The following IL15 variants were observed in gnomAD, a reference collection of about 807,000 sequenced individuals.
The protein encoded by IL15 is interleukin 15, also known as interleukin-15.
A neutral mutation model predicts 19.6 loss-of-function variants in IL15; 11 were observed. The ratio of observed to expected loss-of-function variants is 0.56; its 90% confidence interval spans 0.35 to 0.93. The LOEUF (loss-of-function observed/expected upper bound fraction) is 0.93, where lower values mean the gene tolerates loss of function less well. IL15 is among the 40% of genes least tolerant of loss of function. IL15 has a pLI of 0.01. For synonymous variants in IL15, 58 were observed against 59.6 expected (o/e 0.97, Z 0.12); for missense variants, 197 against 186.5 (o/e 1.06, Z -0.33).
chr4:141,691,044 T>A (rs1728893399), intron 2 of IL15, among the ~76,000 whole-genome samples: 1 of 147,312 alleles, frequency 6.8e-6, no homozygotes, highest in South Asian at 2.1e-4. Context: ...CATACTGATA[T>A]AAAGATACTA....
chr4:141,714,571 C>T (rs981753255), intron 2 of IL15: 15 of 152,242 alleles, frequency 9.9e-5, no homozygotes, highest in African/African-American at 3.6e-4. Flanking sequence ...CCTAAAAGTG[C>T]TATTGTCAGA....
At chr4:141,686,010 C>G (rs765780223) in intron 2 of IL15, among the ~76,000 whole-genome samples, 7 of 152,068 alleles carry the variant, frequency 4.6e-5, no homozygotes, top group South Asian at 2.1e-4. Context: ...AAAAGGGGCA[C>G]AGTAGGCTGG....
At chr4:141,710,799 T>C (rs936744413) in intron 2 of IL15, among the ~76,000 whole-genome samples, 7 of 152,194 alleles carry the variant, frequency 4.6e-5, no homozygotes, top group Non-Finnish European at 1.0e-4. Flanking sequence ...GGTTTTTTTT[T>C]CATAGTTAAA....
chr4:141,693,016 CAAAAA>C lies in IL15; in HGVS notation c.-99-26328_-99-26324del, dbSNP rs70949131. 4.9e-3 allele frequency among the ~76,000 whole-genome samples: 113 copies of C among 23,230 alleles called. 2 individuals carry two copies. Among genetic ancestry groups the C allele is most frequent in the East Asian group, 0.01 (7 of 688 alleles). 15.2% of individuals were successfully genotyped at this position (23,230 alleles called of 152,430 possible). The stretch of plus-strand genomic sequence containing the variant: ...AGGGGAACAGAGCAAGACTCCGTCT[CAAAAA>C]AAAAAAAAAAAAAAAAAAAAAGATA... On this transcript the variant is annotated intron_variant, in intron 2 of 7. Transcript: ENST00000320650.
At chr4:141,641,567 C>T (rs1727044129) in intron 1 of IL15, among the ~76,000 whole-genome samples, 1 of 151,866 alleles carries the variant, frequency 6.6e-6, no homozygotes. Flanking sequence ...TGGAAACCAT[C>T]ATTCTCAGCA....
intron 2 of IL15, among the ~76,000 whole-genome samples, chr4:141,685,492 G>A (rs1728679184): frequency 6.6e-6 from 1 of 152,036 alleles, no homozygotes; most frequent in Non-Finnish European, 1.5e-5. Flanking sequence ...GATGACTTTT[G>A]GAATATATGC....
At chr4:141,721,581 A>G in intron 4 of IL15, 1 of 524,060 alleles carries the variant, frequency 1.9e-6, no homozygotes. Flanking sequence ...ACTTAAAGGA[A>G]ACTAGTAATT....
intron 1 of IL15, among the ~76,000 whole-genome samples, chr4:141,641,366 A>T (rs1293477973): frequency 6.6e-6 from 1 of 152,156 alleles, no homozygotes; most frequent in East Asian, 1.9e-4. Flanking sequence ...TACCCAAAGG[A>T]TTATAAATCA....
chr4:141,711,350 G>C (rs1729711607), intron 2 of IL15, among the ~76,000 whole-genome samples: 1 of 152,076 alleles, frequency 6.6e-6, no homozygotes, highest in African/African-American at 2.4e-5. Flanking sequence ...GCAGAAAGAT[G>C]AAATGTGGGG....
At chr4:141,664,231 A>G (rs1234851371) in intron 2 of IL15, among the ~76,000 whole-genome samples, 1 of 152,040 alleles carries the variant, frequency 6.6e-6, no homozygotes, top group Non-Finnish European at 1.5e-5. Flanking sequence ...TTAATATTTC[A>G]AAAACCCCCA....
At chr4:141,683,593 GA>G (rs538489428) in intron 2 of IL15, among the ~76,000 whole-genome samples, 5 of 147,430 alleles carry the variant, frequency 3.4e-5, no homozygotes, top group Non-Finnish European at 6.0e-5. Flanking sequence ...AAAGAAAAAA[GA>G]AAAAAAAACA....
chr4:141,721,769 T>C (rs935422648), intron 4 of IL15, 155 bp from the exon 5 acceptor site: 2 of 673,768 alleles, frequency 3.0e-6, no homozygotes, highest in African/African-American at 3.6e-5. Context: ...TCAATGTTTA[T>C]GTTCAGTTAC....
chr4:141,677,189 ACCT>A (rs1399815394), intron 2 of IL15, among the ~76,000 whole-genome samples: 1 of 151,882 alleles, frequency 6.6e-6, no homozygotes, highest in Non-Finnish European at 1.5e-5. Flanking sequence ...CTCCCCTTCC[ACCT>A]CCTCCACTTC....
chr4:141,668,570 T>G (rs972962162), intron 2 of IL15, among the ~76,000 whole-genome samples: 1 of 152,234 alleles, frequency 6.6e-6, no homozygotes, highest in African/African-American at 2.4e-5. Flanking sequence ...TGTTGGGGAC[T>G]AAGCATGCCA....
intron 2 of IL15, chr4:141,704,540 G>A (rs533208333): frequency 1.7e-5 from 5 of 298,416 alleles, no homozygotes; most frequent in African/African-American, 6.8e-5. Flanking sequence ...TTTTGGAATC[G>A]GATTAATGCA....
chr4:141,638,877 A>G (rs1002857739), intron 1 of IL15, among the ~76,000 whole-genome samples: 1 of 152,178 alleles, frequency 6.6e-6, no homozygotes, highest in African/African-American at 2.4e-5. Flanking sequence ...AGAGTTTTAA[A>G]TCTTTTGAAA....
chr4:141,680,346 T>A (rs1349270235), intron 2 of IL15, among the ~76,000 whole-genome samples: 1 of 152,196 alleles, frequency 6.6e-6, no homozygotes, highest in East Asian at 1.9e-4. Context: ...AAGTGAGCTA[T>A]CCCCTGTGTT....
chr4:141,663,885 GA>G (rs1219035826), intron 2 of IL15, among the ~76,000 whole-genome samples: 1 of 152,186 alleles, frequency 6.6e-6, no homozygotes, highest in Admixed American at 6.5e-5. Flanking sequence ...GAGAGAGTAG[GA>G]GGTCAGAGAG....
intron 2 of IL15, among the ~76,000 whole-genome samples, chr4:141,696,914 CT>C (rs1729116780): frequency 6.6e-6 from 1 of 151,892 alleles, no homozygotes; most frequent in African/African-American, 2.4e-5. Context: ...GAATATTAGT[CT>C]TTTGTCAGTA....
Sources: gnomAD v4.1 joint callset for allele counts (sites outside exome capture counted in the v4.1 genomes callset) on GRCh38, gnomAD v4.1.1 for gene constraint, MANE v1.5 for transcripts, NCBI Gene and HGNC (gene_info 2026-07-23, HGNC 2026-07-21) for gene names.